The following RASGEF1B variants were observed in gnomAD, a reference collection of about 807,000 sequenced individuals.
The protein encoded by RASGEF1B is ras-GEF domain-containing family member 1B.
RASGEF1B carries 30 observed loss-of-function variants against 65.7 expected under a neutral mutation model. That is an observed-to-expected ratio of 0.46 (90% CI 0.34 to 0.62). The LOEUF is 0.62. Ranked by LOEUF, RASGEF1B falls within the 20% of genes least tolerant of loss-of-function variation. RASGEF1B has a pLI of 0.01. For missense variants in RASGEF1B, 495 were observed against 580.1 expected (o/e 0.85, Z 1.51); for synonymous variants, 175 against 194.8 (o/e 0.90, Z 0.85).
At chr4:81,450,858 G>A (rs1187679194) in intron 4 of RASGEF1B, 1 of 152,136 alleles carries the variant, frequency 6.6e-6, no homozygotes, top group African/African-American at 2.4e-5. Context: ...GTGAGAATCT[G>A]TCTCAAAAAA....
Position 81,448,280 on chromosome 4 carries a change from G to C in RASGEF1B, c.443C>G (p.Thr148Arg), listed in dbSNP as rs1381072695. Residue 148 changes from threonine to arginine, a missense_variant, in exon 5 of 14, where the codon ACA (threonine) becomes AGA (arginine). Transcript: ENST00000264400. ...CATTTGCTGGACATTCTTTCTGTAT[G>C]TCTGCTAGGGAATAAGCGAAGAATT... ...AHRIASGEEQ[T>R]YRKNVQQMMQ... The C allele has an allele frequency of 6.2e-7, 1 of 1,611,810 alleles. No individual in the cohort carries two copies. The highest frequency in any genetic ancestry group is 1.7e-5 in the Admixed American group (1 of 60,026).
At chr4:81,451,095 T>C (rs1486480657) in intron 4 of RASGEF1B, 1 of 152,136 alleles carries the variant, frequency 6.6e-6, no homozygotes, top group Admixed American at 6.6e-5. Flanking sequence ...TTGGCTAAGA[T>C]CAAGTGCAGA....
chr4:81,471,255 A>G (rs973043300), intron 1 of RASGEF1B: 2 of 152,386 alleles, frequency 1.3e-5, no homozygotes, highest in African/African-American at 4.8e-5. Flanking sequence ...CTACACACAC[A>G]CGCACACAAA....
At chr4:81,441,697 A>G (rs559414169) in intron 9 of RASGEF1B, among the ~76,000 whole-genome samples, 2 of 151,844 alleles carry the variant, frequency 1.3e-5, no homozygotes, top group South Asian at 4.2e-4. Flanking sequence ...ACATGCCACC[A>G]CACCTGGCTA....
In RASGEF1B at chr4:81,427,579, A is replaced by G. The variant is rs1721270387; in HGVS notation, c.*189T>C. ...TTTCAGTCTCACAAAATCTGAGTCT[A>G]TCTGTCAGCTGCAGGAAATAAGTTC... On this transcript the variant is annotated 3_prime_UTR_variant, in exon 14 of 14. Transcript: ENST00000264400. 2 of 539,546 alleles carry G rather than the reference A, an allele frequency of 3.7e-6. No individual in the cohort carries two copies. The highest frequency in any genetic ancestry group is 6.5e-6 in the Non-Finnish European group (2 of 307,390). 33.4% of individuals were successfully genotyped at this position (539,546 alleles called of 1,614,324 possible). A position where few individuals can be genotyped will look rare whatever the true frequency, so the allele number is the denominator to read the frequency against.
chr4:81,470,322 T>G (rs1159409863), intron 1 of RASGEF1B, among the ~76,000 whole-genome samples: 1 of 152,224 alleles, frequency 6.6e-6, no homozygotes, highest in Non-Finnish European at 1.5e-5. Flanking sequence ...TGCTTAACTG[T>G]AAACCTCCTT....
At chr4:81,455,681 C>A (rs1272870327) in intron 4 of RASGEF1B, 1 of 152,212 alleles carries the variant, frequency 6.6e-6, no homozygotes, top group Non-Finnish European at 1.5e-5. Context: ...ACACAGAATA[C>A]CAGCCCTCTG....
chr4:81,445,408 ACT>A, intron 8 of RASGEF1B, 116 bp downstream of exon 8: 2 of 736,306 alleles, frequency 2.7e-6, no homozygotes, highest in Non-Finnish European at 4.7e-6. Context: ...TTCTCAAATA[ACT>A]CTGGATTAAA....
Position 81,445,643 on chromosome 4 carries a change from A to G in RASGEF1B, c.826-15T>C, listed in dbSNP as rs1057480464. On this transcript the variant is annotated splice_polypyrimidine_tract_variant and intron_variant, in intron 7 of 13. Transcript: ENST00000264400. ...TTCTTAACAGGCTACACAGTAAAAG[A>G]CAATAGAGGGCAGTTATCCAGTATG... 2 of 1,601,806 alleles carry G rather than the reference A, an allele frequency of 1.2e-6. No individual in the cohort carries two copies. The highest frequency in any genetic ancestry group is 1.7e-6 in the Non-Finnish European group (2 of 1,168,922).
intron 10 of RASGEF1B, 88 bp downstream of exon 10, chr4:81,440,746 A>C (rs1390005867): frequency 1.3e-6 from 1 of 794,160 alleles, no homozygotes; most frequent in African/African-American, 1.7e-5. Flanking sequence ...TTAACAAGTA[A>C]AAAAACTTCA....
chr4:81,429,623 G>C (rs2109962220), intron 13 of RASGEF1B, among the ~76,000 whole-genome samples: 2 of 152,342 alleles, frequency 1.3e-5, no homozygotes, highest in South Asian at 4.1e-4. Context: ...CCGGCAGACA[G>C]ACACACAAGT....
intron 1 of RASGEF1B, 65 bp from the exon 2 acceptor site, chr4:81,459,579 C>A: frequency 8.5e-7 from 1 of 1,180,444 alleles, no homozygotes; most frequent in South Asian, 1.6e-5. Flanking sequence ...TAAAGGTAAG[C>A]TTTAATAGGC....
chr4:81,442,949 C>T (rs753047619), intron 8 of RASGEF1B, among the ~76,000 whole-genome samples: 3 of 152,246 alleles, frequency 2.0e-5, no homozygotes, highest in Non-Finnish European at 4.4e-5. Flanking sequence ...ACTAATGTGT[C>T]AAACACGCTT....
intron 8 of RASGEF1B, among the ~76,000 whole-genome samples, chr4:81,445,036 A>G (rs1156675813): frequency 6.6e-6 from 1 of 152,238 alleles, no homozygotes; most frequent in Non-Finnish European, 1.5e-5. Context: ...GGAAAGAAAC[A>G]TGGTCTCTGA....
At chr4:81,456,500 A>G (rs1408519855) in intron 4 of RASGEF1B, 151 bp downstream of exon 4, 1 of 801,406 alleles carries the variant, frequency 1.2e-6, no homozygotes, top group Admixed American at 1.7e-5. Flanking sequence ...CTCACTTGAC[A>G]TACTAAATAG....
At position 81,456,713 on chromosome 4, in the gene RASGEF1B, G is replaced by A. The variant is rs1462969183; in HGVS notation, c.376C>T (p.Arg126Trp). The change falls in exon 4 of 14, where the codon CGG (arginine) becomes TGG (tryptophan). Residue 126 changes from arginine (R) to tryptophan (W), a missense_variant. Physicochemically the swap from Arg to Trp is moderately radical, Grantham distance 101. Transcript: ENST00000264400. ...AAGTTTCTCATCATTCTTTCATCCC[G>A]AAAATCATAGGGAAATGTTTCCGTC... ...EWTETFPYDF[R>W]DERMMRNLKD... 21 of 1,613,862 alleles carry A rather than the reference G, an allele frequency of 1.3e-5. No homozygotes were observed. Among genetic ancestry groups the A allele is most frequent in the Non-Finnish European group, 1.5e-5 (18 of 1,179,894 alleles).
intron 10 of RASGEF1B, among the ~76,000 whole-genome samples, chr4:81,439,863 T>A (rs561966891): frequency 6.6e-6 from 1 of 152,196 alleles, no homozygotes; most frequent in African/African-American, 2.4e-5. Context: ...AAATAAAAAA[T>A]TTGAAGTATT....
chr4:81,470,634 A>T (rs1014666097), intron 1 of RASGEF1B, among the ~76,000 whole-genome samples: 1 of 152,182 alleles, frequency 6.6e-6, no homozygotes, highest in South Asian at 2.1e-4. Context: ...CTCCTTGGAG[A>T]CGCGTTCGGC....
chr4:81,447,533 C>G lies in RASGEF1B; in HGVS notation c.700G>C (p.Val234Leu), dbSNP rs776617836. 1.9e-6 allele frequency: 3 copies of G among 1,613,976 alleles called. No homozygotes were observed. The highest frequency in any genetic ancestry group is 2.2e-5 in the South Asian group (2 of 91,072). ...IGPEEFVQAF[V>L]QKDPLDNDKS... ...TCATTATCCAAAGGGTCCTTCTGCACGAACGCCTGAACAAATTCTTCTGGC... is the reference window on the plus strand; with the variant it reads ...TCATTATCCAAAGGGTCCTTCTGCAGGAACGCCTGAACAAATTCTTCTGGC... The change falls in exon 6 of 14, where the codon GTG becomes CTG. Residue 234 changes from valine (V) to leucine (L), a missense_variant. Coordinates refer to ENST00000264400, the MANE Select transcript of RASGEF1B (RefSeq NM_152545.3).
Sources: allele counts gnomAD v4.1 joint callset (sites outside exome capture counted in the v4.1 genomes callset), GRCh38; gene constraint gnomAD v4.1.1; transcripts MANE v1.5; gene names NCBI Gene and HGNC (gene_info 2026-07-23, HGNC 2026-07-21).